The following RASGEF1A variants were observed in gnomAD, a reference collection of about 807,000 sequenced individuals.
RASGEF1A encodes the protein RasGEF domain family member 1A.
A neutral mutation model predicts 56.4 loss-of-function variants in RASGEF1A; 18 were observed. That is an observed-to-expected ratio of 0.32 (90% confidence interval 0.22 to 0.47). The LOEUF (loss-of-function observed/expected upper bound fraction) is 0.47, where lower values mean the gene tolerates loss of function less well. Among genes scored for constraint, RASGEF1A ranks in the 20% least tolerant of loss-of-function variants. RASGEF1A has a pLI of 1.00. For synonymous variants in RASGEF1A, 245 were observed against 242.6 expected (o/e 1.01, Z -0.09); for missense variants, 422 against 627.1 (o/e 0.67, Z 3.49).
intron 1 of RASGEF1A, among the ~76,000 whole-genome samples, chr10:43,216,016 C>T (rs952757338): frequency 6.6e-6 from 1 of 152,208 alleles, no homozygotes; most frequent in African/African-American, 2.4e-5. Flanking sequence ...CATTAGATCT[C>T]TGGCAAACCC....
At chr10:43,215,334 C>G (rs953449620) in intron 1 of RASGEF1A, among the ~76,000 whole-genome samples, 1 of 152,168 alleles carries the variant, frequency 6.6e-6, no homozygotes, top group Admixed American at 6.5e-5. Flanking sequence ...ACCTACTCAA[C>G]AAAAACGGAG....
intron 1 of RASGEF1A, among the ~76,000 whole-genome samples, chr10:43,250,142 C>CT (rs1840610098): frequency 6.6e-6 from 1 of 152,226 alleles, no homozygotes; most frequent in Admixed American, 6.5e-5. Context: ...ACCGGTGCAG[C>CT]TCCCTGCGAG....
intron 1 of RASGEF1A, among the ~76,000 whole-genome samples, chr10:43,210,869 G>A (rs1305062197): frequency 6.6e-6 from 1 of 150,796 alleles, no homozygotes; most frequent in Non-Finnish European, 1.5e-5. Context: ...GCAGGGAGTG[G>A]GGGACAGGCT....
chr10:43,199,663 C>T lies in RASGEF1A; in HGVS notation c.849+13G>A, dbSNP rs1839861643. The T allele has an allele frequency of 1.2e-6, 2 of 1,611,156 alleles. No individual in the cohort carries two copies. Among genetic ancestry groups the T allele is most frequent in the African/African-American group, 2.7e-5 (2 of 75,024 alleles). On this transcript the variant is annotated intron_variant, in intron 7 of 12. Coordinates refer to ENST00000395810, the MANE Select transcript of RASGEF1A (RefSeq NM_145313.4). ...ATGGCAGCCACCCCACCATGTCTGCCATGGGCACTTACCCGGCACACCTCA... is the reference window on the plus strand; with the variant it reads ...ATGGCAGCCACCCCACCATGTCTGCTATGGGCACTTACCCGGCACACCTCA...
chr10:43,242,286 A>G (rs1270126170), intron 1 of RASGEF1A, among the ~76,000 whole-genome samples: 1 of 152,246 alleles, frequency 6.6e-6, no homozygotes, highest in East Asian at 1.9e-4. Context: ...AGGATATTTT[A>G]TAATGATTAA....
intron 1 of RASGEF1A, among the ~76,000 whole-genome samples, chr10:43,257,270 T>C (rs1305822340): frequency 6.6e-6 from 1 of 152,212 alleles, no homozygotes; most frequent in Non-Finnish European, 1.5e-5. Context: ...GCAGGACTCT[T>C]GACCCCTCCA....
chr10:43,239,447 A>G (rs1177740882), intron 1 of RASGEF1A, among the ~76,000 whole-genome samples: 1 of 152,260 alleles, frequency 6.6e-6, no homozygotes, highest in Non-Finnish European at 1.5e-5. Context: ...AAAACCAGCA[A>G]AAAACAAAAA....
intron 1 of RASGEF1A, among the ~76,000 whole-genome samples, chr10:43,225,460 T>G (rs1840265996): frequency 6.6e-6 from 1 of 151,952 alleles, no homozygotes; most frequent in African/African-American, 2.4e-5. Context: ...TGTGTGTCTC[T>G]GTGTCTGTGT....
At chr10:43,239,770 A>G (rs1347834866) in intron 1 of RASGEF1A, among the ~76,000 whole-genome samples, 5 of 152,230 alleles carry the variant, frequency 3.3e-5, no homozygotes, top group Non-Finnish European at 2.9e-5. Flanking sequence ...CCCACTTACA[A>G]GGATGTCTGT....
Position 43,200,227 on chromosome 10 carries a change from G to A in RASGEF1A, c.711C>T (p.Asp237=), listed in dbSNP as rs149633919. ...LDRVSSIYPE[D]LMQIVSHMDS... ...CCATGTGGCTGACGATCTGCATCAAGTCCTCAGGGTAAATGCTGCTGACCC... is the reference window on the plus strand; with the variant it reads ...CCATGTGGCTGACGATCTGCATCAAATCCTCAGGGTAAATGCTGCTGACCC... The change falls in exon 6 of 13, where the codon GAC becomes GAT. Residue 237 remains aspartate, a synonymous_variant. Transcript: ENST00000395810. 667 of 1,607,922 alleles carry A rather than the reference G, an allele frequency of 4.1e-4. 3 individuals are homozygous for A. Among genetic ancestry groups the A allele is most frequent in the South Asian group, 2.2e-3 (194 of 89,784 alleles).
intron 1 of RASGEF1A, among the ~76,000 whole-genome samples, chr10:43,217,354 C>T (rs1316735443): frequency 6.6e-6 from 1 of 152,206 alleles, no homozygotes; most frequent in Non-Finnish European, 1.5e-5. Flanking sequence ...CTCGCTCATG[C>T]TCCCTCTTCC....
intron 1 of RASGEF1A, among the ~76,000 whole-genome samples, chr10:43,217,727 C>T (rs1840156490): frequency 6.6e-6 from 1 of 152,208 alleles, no homozygotes. Flanking sequence ...GGCCTGCCCT[C>T]AACAGCAGGT....
intron 2 of RASGEF1A, chr10:43,203,857 G>A (rs1300548912): frequency 1.1e-6 from 1 of 900,722 alleles, no homozygotes. Flanking sequence ...GTTGGCACAG[G>A]AGCGGGGCCT....
intron 1 of RASGEF1A, among the ~76,000 whole-genome samples, chr10:43,222,055 G>A (rs1840215783): frequency 6.6e-6 from 1 of 152,158 alleles, no homozygotes; most frequent in Admixed American, 6.5e-5. Flanking sequence ...GACCAGGATG[G>A]CACAGCCCAC....
At chr10:43,230,823 C>T (rs1421845399) in intron 1 of RASGEF1A, among the ~76,000 whole-genome samples, 1 of 152,170 alleles carries the variant, frequency 6.6e-6, no homozygotes, top group Non-Finnish European at 1.5e-5. Context: ...CACTTACTAG[C>T]AGCAAGAGTA....
At chr10:43,238,166 C>A (rs917783640) in intron 1 of RASGEF1A, among the ~76,000 whole-genome samples, 2 of 34,174 alleles carry the variant, frequency 5.9e-5, no homozygotes, top group African/African-American at 3.4e-4. Flanking sequence ...GTAACACCTG[C>A]CCCTCAGGAG....
Position 43,218,003 on chromosome 10 carries a change from G to A in RASGEF1A, c.-6-11881C>T, listed in dbSNP as rs548011301. Among the ~76,000 whole-genome samples the A allele has an allele frequency of 3.9e-5, 6 of 152,278 alleles. No homozygotes were observed. The South Asian group carries it at 8.3e-4, about 21-fold the overall frequency. The stretch of plus-strand genomic sequence containing the variant: ...GGCTGGATCTAGGCATGGGCTGGGC[G>A]TCCAATGGGAAGGGAGTGGGCCCCA... On this transcript the variant is annotated intron_variant, in intron 1 of 12. Coordinates refer to ENST00000395810, the MANE Select transcript of RASGEF1A (RefSeq NM_145313.4).
chr10:43,229,789 AC>A, intron 1 of RASGEF1A: 1 of 1,256,522 alleles, frequency 8.0e-7, no homozygotes, highest in Non-Finnish European at 1.0e-6. Context: ...GAGGGGTGGG[AC>A]CCCGGAAGCA....
chr10:43,253,926 G>T (rs1477324803), intron 1 of RASGEF1A, among the ~76,000 whole-genome samples: 2 of 152,210 alleles, frequency 1.3e-5, no homozygotes, highest in African/African-American at 4.8e-5. Context: ...CAGCCGGCTG[G>T]CCACAGGCAC....
Sources: allele counts gnomAD v4.1 joint callset (sites outside exome capture counted in the v4.1 genomes callset), GRCh38; gene constraint gnomAD v4.1.1; transcripts MANE v1.5; gene names NCBI Gene and HGNC (gene_info 2026-07-23, HGNC 2026-07-21).